Variants in ZNF320 observed in about 807,000 individuals in gnomAD.
ZNF320 encodes zinc finger protein 320, also known as zinc finger gene 320.
Under a neutral mutation model 6.8 loss-of-function variants are expected in ZNF320, and 2 were observed. The ratio of observed to expected loss-of-function variants is 0.29; its 90% CI spans 0.12 to 0.93. The LOEUF (loss-of-function observed/expected upper bound fraction) is 0.93, where lower values mean the gene tolerates loss of function less well. Among genes scored for constraint, ZNF320 ranks in the 40% least tolerant of loss-of-function variants. ZNF320 has a pLI of 0.55. For synonymous variants in ZNF320, 208 were observed against 203.2 expected (o/e 1.02, Z -0.20); for missense variants, 472 against 611.0 (o/e 0.77, Z 2.40).
chr19:52,867,076 T>C (rs915987151), intron 5 of ZNF320, among the ~76,000 whole-genome samples: 1 of 151,898 alleles, frequency 6.6e-6, no homozygotes, highest in African/African-American at 2.4e-5. Context: ...AGAGAAAACA[T>C]AGTATAAAAC....
downstream of ZNF320, among the ~76,000 whole-genome samples, chr19:52,873,819 G>A (rs2063721402): frequency 6.6e-6 from 1 of 152,156 alleles, no homozygotes; most frequent in Non-Finnish European, 1.5e-5. Context: ...ACATCACTAG[G>A]TTATAGGAGA....
At chr19:52,865,475 T>TATATATATATGTAATAC (rs2063531530) in intron 5 of ZNF320, 4 of 40,330 alleles carry the variant, frequency 9.9e-5, no homozygotes, top group African/African-American at 4.3e-4. Context: ...ATATATTACA[T>TATATATATATGTAATAC]ATATATATAA....
At chr19:52,864,316 T>A (rs775305105) in intron 5 of ZNF320, among the ~76,000 whole-genome samples, 2 of 152,174 alleles carry the variant, frequency 1.3e-5, no homozygotes, top group Non-Finnish European at 2.9e-5. Context: ...ATCGTTGCAT[T>A]TTATTGTACT....
chr19:52,900,440 G>A, upstream of ZNF320, among the ~76,000 whole-genome samples: 1 of 152,148 alleles, frequency 6.6e-6, no homozygotes, highest in East Asian at 1.9e-4. Flanking sequence ...TGGGTTTGTA[G>A]GAACTAATTC....
exon 6 of ZNF320, chr19:52,862,157 T>C (rs2063490125): frequency 4.8e-6 from 2 of 420,470 alleles, no homozygotes; most frequent in African/African-American, 2.0e-5. Context: ...ACCAAAGGCA[T>C]TGTGACAATC....
chr19:52,897,369 A>C (rs1568734615), intron 1 of ZNF320, 151 bp downstream of exon 1: 2 of 152,178 alleles, frequency 1.3e-5, no homozygotes, highest in South Asian at 2.1e-4. Flanking sequence ...TGAGGACTTG[A>C]AACAGCGCGA....
chr19:52,883,662 G>A (rs1173353584), intron 5 of ZNF320: 1 of 453,504 alleles, frequency 2.2e-6, no homozygotes, highest in South Asian at 1.6e-5. Flanking sequence ...CATTTTGGTA[G>A]GCTGAGTCGG....
At chr19:52,898,787 T>G (rs1231967838), upstream of ZNF320, among the ~76,000 whole-genome samples, 1 of 152,234 alleles carries the variant, frequency 6.6e-6, no homozygotes, top group Admixed American at 6.5e-5. Context: ...AGTTTTACAA[T>G]GTTCTTCTAT....
In ZNF320 at chr19:52,881,235, T is replaced by C; in HGVS notation, c.891A>G (p.Ala297=). 1 of 1,614,224 alleles carries C rather than the reference T, an allele frequency of 6.2e-7. No homozygotes were observed. Among genetic ancestry groups the C allele is most frequent in the Non-Finnish European group, 8.5e-7 (1 of 1,180,036 alleles). ...ATTCATTACACTTATAGGGTTTCTC[T>C]GCAGTATGAACTGCCTTATGAATTA... ...VLVIHKAVHT[A]EKPYKCNECG... Residue 297 remains alanine, a synonymous_variant, in exon 6 of 6, where the codon GCA becomes GCG. Coordinates refer to ENST00000682928, the MANE Select transcript of ZNF320 (RefSeq NM_001351774.2).
chr19:52,871,520 GA>G (rs946242537), downstream of ZNF320, among the ~76,000 whole-genome samples: 3 of 149,802 alleles, frequency 2.0e-5, no homozygotes, highest in African/African-American at 4.9e-5. Flanking sequence ...CTCCACTTCG[GA>G]AAAAAAAAAT....
At chr19:52,869,836 C>T (rs1362135934) in intron 5 of ZNF320, among the ~76,000 whole-genome samples, 2 of 152,148 alleles carry the variant, frequency 1.3e-5, no homozygotes, top group Non-Finnish European at 2.9e-5. Flanking sequence ...CTGCCTCAGC[C>T]TCCTGAGTAG....
intron 2 of ZNF320, among the ~76,000 whole-genome samples, chr19:52,892,825 C>T (rs993985840): frequency 6.6e-6 from 1 of 151,488 alleles, no homozygotes; most frequent in Non-Finnish European, 1.5e-5. Context: ...CCTCTGTTCT[C>T]CTTGCCACCA....
At chr19:52,869,486 G>C (rs1045652047) in intron 5 of ZNF320, among the ~76,000 whole-genome samples, 1 of 152,166 alleles carries the variant, frequency 6.6e-6, no homozygotes, top group African/African-American at 2.4e-5. Flanking sequence ...AACAGAGACA[G>C]ACTGAGCGCA....
At chr19:52,866,890 A>T (rs1355867344) in intron 5 of ZNF320, among the ~76,000 whole-genome samples, 1 of 143,910 alleles carries the variant, frequency 6.9e-6, no homozygotes, top group African/African-American at 2.6e-5. Context: ...AAAAAAAAAA[A>T]GAAAAGAAAT....
intron 5 of ZNF320, chr19:52,865,250 A>C (rs919694856): frequency 1.2e-5 from 2 of 171,200 alleles, no homozygotes; most frequent in Non-Finnish European, 2.4e-5. Context: ...TGAACCCAGA[A>C]GGCAGAGGTT....
chr19:52,865,829 T>TTA lies in ZNF320; in HGVS notation c.224-1672_224-1671dup, dbSNP rs1275812031. 1.9e-4 allele frequency among the ~76,000 whole-genome samples: 23 copies of TTA among 119,604 alleles called. 4 individuals are homozygous for TTA. Among genetic ancestry groups the TTA allele is most frequent in the South Asian group, 5.0e-4 (2 of 4,028 alleles). The allele number at this position is 119,604 out of a possible 152,430, so 78.5% of individuals were successfully genotyped here. ...TATATATATGATTATACACATATAT[T>TTA]TATATATGATTATACACATATATTT... is the stretch of plus-strand genomic sequence containing the variant. On this transcript the variant is annotated intron_variant, in intron 5 of 5. Coordinates refer to the ZNF320 transcript ENST00000673631.
downstream of ZNF320, among the ~76,000 whole-genome samples, chr19:52,874,631 C>T (rs901398549): frequency 6.6e-6 from 1 of 152,180 alleles, no homozygotes; most frequent in Non-Finnish European, 1.5e-5. Flanking sequence ...GCTCTGCTCT[C>T]CACTTGGGGA....
the ZNF320 span, among the ~76,000 whole-genome samples, chr19:52,903,083 A>G: frequency 2.0e-5 from 3 of 151,946 alleles, no homozygotes; most frequent in African/African-American, 7.3e-5. Context: ...CACCTTGTAC[A>G]TAAACTGTTT....
In ZNF320 at chr19:52,888,193, C is replaced by G. The variant is rs558326325; in HGVS notation, c.76G>C (p.Asp26His). 117 of 1,532,968 alleles carry G rather than the reference C, an allele frequency of 7.6e-5. No individual in the cohort carries two copies. Among genetic ancestry groups the G allele is most frequent in the Non-Finnish European group, 9.4e-5 (107 of 1,138,384 alleles). The allele number at this position is 1,532,968 out of a possible 1,614,324, so 95.0% of individuals were successfully genotyped here. A position where few individuals can be genotyped will look rare whatever the true frequency, so the allele number is the denominator to read the frequency against. The change falls in exon 5 of 6, where the codon GAC (aspartate) becomes CAC (histidine). Residue 26 changes from aspartate to histidine, a missense_variant. Asp to His is a moderately conservative substitution (Grantham distance 81). This residue lies in a region of ZNF320 where 10 missense variants were observed against 51.2 expected (regional missense o/e 0.20). Transcript: ENST00000682928. ...CTGTATAGAGTCCTCTGAGCAGGGT[C>G]CAGGCATTTCCACTCCTCCTGAGAG... ...EFSQEEWKCL[D>H]PAQRTLYRDV...
Sources: gnomAD v4.1 joint callset for allele counts (sites outside exome capture counted in the v4.1 genomes callset) on GRCh38, gnomAD v4.1.1 for gene constraint, gnomAD v4.1.1 regional missense constraint, MANE v1.5 for transcripts, NCBI Gene and HGNC (gene_info 2026-07-23, HGNC 2026-07-21) for gene names.